The following PDE4D variants were observed in gnomAD, a reference collection of about 807,000 sequenced individuals.
PDE4D encodes the protein 3',5'-cyclic-AMP phosphodiesterase 4D.
PDE4D carries 24 observed loss-of-function variants against 87.4 expected under a neutral mutation model. That is an observed-to-expected ratio of 0.27 (90% CI 0.20 to 0.39). PDE4D has a LOEUF of 0.39. PDE4D is among the 10% of genes least tolerant of loss of function. PDE4D has a pLI of 1.00. For synonymous variants in PDE4D, 384 were observed against 383.2 expected, an observed-to-expected ratio of 1.00 and a Z score of -0.02; for missense variants, 714 against 1,041.0, an observed-to-expected ratio of 0.69 and a Z score of 4.32.
chr5:60,396,895 G>A (rs1007274959), intron 1 of PDE4D, among the ~76,000 whole-genome samples: 3 of 152,162 alleles, frequency 2.0e-5, no homozygotes, highest in African/African-American at 7.2e-5. Context: ...AAATTCAGAC[G>A]TGGACCTCAA....
intron 2 of PDE4D, among the ~76,000 whole-genome samples, chr5:59,214,968 T>G (rs1014165001): frequency 2.6e-5 from 4 of 152,106 alleles, no homozygotes; most frequent in Non-Finnish European, 5.9e-5. Flanking sequence ...GAAAAGATGG[T>G]GAATGTTATT....
chr5:59,995,282 A>G (rs1763414944), intron 2 of PDE4D, among the ~76,000 whole-genome samples: 1 of 150,432 alleles, frequency 6.6e-6, no homozygotes, highest in Non-Finnish European at 1.5e-5. Flanking sequence ...CCAAGCTGCT[A>G]TCCTTCAACC....
At chr5:59,382,122 C>A (rs1562071478) in intron 1 of PDE4D, among the ~76,000 whole-genome samples, 1 of 152,046 alleles carries the variant, frequency 6.6e-6, no homozygotes, top group African/African-American at 2.4e-5. Context: ...TGACACAGAC[C>A]CCGCACTACA....
At chr5:59,994,861 A>T (rs1020889457) in intron 2 of PDE4D, among the ~76,000 whole-genome samples, 2 of 152,154 alleles carry the variant, frequency 1.3e-5, no homozygotes, top group African/African-American at 2.4e-5. Context: ...TTGTGTTTCC[A>T]TTCCTATTAA....
At chr5:60,068,611 T>A (rs1772369000) in intron 2 of PDE4D, among the ~76,000 whole-genome samples, 1 of 151,944 alleles carries the variant, frequency 6.6e-6, no homozygotes, top group African/African-American at 2.4e-5. Flanking sequence ...TACTATTATT[T>A]GCAATAGGGT....
At chr5:59,184,576 A>G (rs755259663) in intron 4 of PDE4D, among the ~76,000 whole-genome samples, 14 of 152,078 alleles carry the variant, frequency 9.2e-5, no homozygotes, top group Admixed American at 4.6e-4. Flanking sequence ...AAAAATGGAC[A>G]TTGAAATAAC....
chr5:59,128,278 A>G lies in PDE4D; in HGVS notation c.808+52317T>C, dbSNP rs533269394. 2.0e-5 allele frequency among the ~76,000 whole-genome samples: 3 copies of G among 148,860 alleles called. No individual in the cohort carries two copies. The East Asian group carries it at 5.8e-4, about 29-fold the overall frequency. On this transcript the variant is annotated intron_variant, in intron 5 of 14. Coordinates refer to ENST00000340635, the MANE Select transcript of PDE4D (RefSeq NM_001104631.2). Reference sequence around the variant, plus strand: ...AGCATGCACCTCCTCTCCTTTTTTTAATAAAGAAAAAGAAATAGGAGGTTG... The same window carrying G: ...AGCATGCACCTCCTCTCCTTTTTTTGATAAAGAAAAAGAAATAGGAGGTTG...
chr5:59,949,792 G>A (rs1257395800), intron 3 of PDE4D, among the ~76,000 whole-genome samples: 1 of 152,134 alleles, frequency 6.6e-6, no homozygotes, highest in Admixed American at 6.6e-5. Flanking sequence ...ACCTGATTTA[G>A]GGAGATTTTT....
chr5:59,827,069 A>G (rs1286484562), intron 1 of PDE4D, among the ~76,000 whole-genome samples: 4 of 152,116 alleles, frequency 2.6e-5, no homozygotes, highest in Non-Finnish European at 4.4e-5. Flanking sequence ...AAGGTAAATT[A>G]TCTGACTTGA....
intron 4 of PDE4D, 24 bp downstream of exon 4, chr5:59,185,165 A>G (rs1220977605): frequency 6.3e-7 from 1 of 1,582,262 alleles, no homozygotes; most frequent in Non-Finnish European, 8.7e-7. Flanking sequence ...AGCAAAAAAG[A>G]GGGGGGAAAA....
At chr5:60,212,167 T>TA (rs375916600) in intron 1 of PDE4D, among the ~76,000 whole-genome samples, 2,161 of 121,850 alleles carry the variant, frequency 0.018, 22 homozygotes, top group Middle Eastern at 0.041. Flanking sequence ...TATATATATA[T>TA]TTTTTTTCTC....
chr5:59,935,333 T>C (rs73101369), intron 3 of PDE4D, among the ~76,000 whole-genome samples: 3,020 of 152,044 alleles, frequency 0.02, 104 homozygotes, highest in African/African-American at 0.07. Flanking sequence ...ACAGTAAAAG[T>C]CAGAAAACAA....
intron 1 of PDE4D, among the ~76,000 whole-genome samples, chr5:59,357,942 C>T (rs1781643773): frequency 6.6e-6 from 1 of 152,174 alleles, no homozygotes; most frequent in South Asian, 2.1e-4. Context: ...ATTAGAGAGG[C>T]TTCAAGTGCC....
chr5:59,840,038 C>A (rs558527537), intron 1 of PDE4D, among the ~76,000 whole-genome samples: 3 of 152,014 alleles, frequency 2.0e-5, no homozygotes, highest in Non-Finnish European at 4.4e-5. Flanking sequence ...AGGCCATCTT[C>A]CAACACTTTC....
At chr5:59,145,160 A>T (rs1355623500) in intron 5 of PDE4D, among the ~76,000 whole-genome samples, 1 of 152,170 alleles carries the variant, frequency 6.6e-6, no homozygotes, top group African/African-American at 2.4e-5. Flanking sequence ...TTCTCCATAC[A>T]GTCTAATTTA....
chr5:58,990,970 C>T lies in PDE4D; in HGVS notation c.1189-68G>A. ...GGAGTAAAATATGACTCAATGAACA[C>T]AATCATTTAAAAATTACAGACCTTA... On this transcript the variant is annotated intron_variant, in intron 8 of 14. Coordinates refer to ENST00000340635, the MANE Select transcript of PDE4D (RefSeq NM_001104631.2). The T allele has an allele frequency of 3.3e-6, 3 of 899,404 alleles. 1 individual carries two copies. The South Asian group carries it at 4.7e-5, about 14-fold the overall frequency. 55.7% of individuals were successfully genotyped at this position (899,404 alleles called of 1,614,324 possible).
rs1178686814 is a variant in PDE4D, at chr5:59,193,718, TAACAATTGTCC to T, written c.648-193_648-183del. On this transcript the variant is annotated intron_variant, in intron 2 of 14. Coordinates refer to ENST00000340635, the MANE Select transcript of PDE4D (RefSeq NM_001104631.2). ...GTTAAAAATATGTCTTCTGGGATGT[TAACAATTGTCC>T]AACTCCCTGGGTAAAAAGAGGGGCT... 3 of 985,246 alleles carry T rather than the reference TAACAATTGTCC, an allele frequency of 3.0e-6. No homozygotes were observed. The African/African-American group carries it at 5.2e-5, about 17-fold the overall frequency. The allele number at this position is 985,246 out of a possible 1,614,324, so 61.0% of individuals were successfully genotyped here.
intron 1 of PDE4D, among the ~76,000 whole-genome samples, chr5:59,668,922 A>T: frequency 1.8e-5 from 1 of 56,928 alleles, no homozygotes; most frequent in Middle Eastern, 7.1e-3. Flanking sequence ...GAAGAAGAAG[A>T]AAGAAAGAAA....
At chr5:59,977,453 A>G (rs1761456878) in intron 3 of PDE4D, among the ~76,000 whole-genome samples, 2 of 152,226 alleles carry the variant, frequency 1.3e-5, no homozygotes, top group Admixed American at 1.3e-4. Context: ...GTTGGATGCC[A>G]GCAGAGGGTG....
Sources: gnomAD v4.1 joint callset for allele counts (sites outside exome capture counted in the v4.1 genomes callset) on GRCh38, gnomAD v4.1.1 for gene constraint, MANE v1.5 for transcripts, NCBI Gene and HGNC (gene_info 2026-07-23, HGNC 2026-07-21) for gene names.